Variants in ASAH2 observed in about 807,000 individuals in gnomAD.
ASAH2 encodes the protein neutral ceramidase.
A neutral mutation model predicts 82.9 loss-of-function variants in ASAH2; 58 were observed. The observed-to-expected ratio is 0.70, with a 90% CI of 0.57 to 0.87. The LOEUF (loss-of-function observed/expected upper bound fraction) is 0.87, where lower values mean the gene tolerates loss of function less well. Ranked by LOEUF, ASAH2 falls within the 40% of genes least tolerant of loss-of-function variation. ASAH2 has a pLI of 0.00. For missense variants in ASAH2, 779 were observed against 834.0 expected (o/e 0.93, Z 0.81); for synonymous variants, 276 against 289.7 (o/e 0.95, Z 0.48).
intron 4 of ASAH2, 66 bp downstream of exon 4, chr10:50,243,136 C>A: frequency 6.4e-7 from 1 of 1,563,974 alleles, no homozygotes; most frequent in South Asian, 1.2e-5. Flanking sequence ...TATTTCCTGT[C>A]ACATTCACCC....
chr10:50,248,796 C>A (rs1846540668), intron 1 of ASAH2, among the ~76,000 whole-genome samples, 150 bp from the exon 2 acceptor site: 1 of 152,216 alleles, frequency 6.6e-6, no homozygotes, highest in African/African-American at 2.4e-5. Flanking sequence ...CCATGGCAGA[C>A]AAGACCAATC....
At chr10:50,204,038 G>A (rs2133201686) in intron 14 of ASAH2, among the ~76,000 whole-genome samples, 1 of 152,028 alleles carries the variant, frequency 6.6e-6, no homozygotes, top group East Asian at 1.9e-4. Flanking sequence ...GTGTAATAAA[G>A]CCAATGTGGC....
At chr10:50,239,779 A>G (rs1289198840) in intron 4 of ASAH2, among the ~76,000 whole-genome samples, 10 of 151,012 alleles carry the variant, frequency 6.6e-5, no homozygotes, top group Non-Finnish European at 1.3e-4. Flanking sequence ...CATGAATATT[A>G]TGTTAAGTAC....
intron 8 of ASAH2, among the ~76,000 whole-genome samples, chr10:50,215,284 A>G (rs942136403): frequency 6.6e-6 from 1 of 151,238 alleles, no homozygotes; most frequent in Non-Finnish European, 1.5e-5. Context: ...TTTTCTGCAT[A>G]TGGCTAGCCA....
rs892477464 is a variant in ASAH2, at chr10:50,228,406, C to T, written c.893+4778G>A. 1.1e-4 allele frequency among the ~76,000 whole-genome samples: 16 copies of T among 152,144 alleles called. No homozygotes were observed. In the South Asian group the frequency reaches 3.3e-3, roughly 32 times the overall value. ...CAGAAAACCATAGAGAATAAACAGT[C>T]AGACATTACAATTCAAGAAAAATAA... On this transcript the variant is annotated intron_variant, in intron 7 of 20. Coordinates refer to ENST00000682911, the MANE Select transcript of ASAH2 (RefSeq NM_019893.4).
At chr10:50,222,249 A>T (rs1187608921) in intron 7 of ASAH2, among the ~76,000 whole-genome samples, 1 of 152,224 alleles carries the variant, frequency 6.6e-6, no homozygotes, top group Non-Finnish European at 1.5e-5. Context: ...GCATGTACTA[A>T]GAATTTCACT....
chr10:50,214,688 C>T (rs1280873418), intron 9 of ASAH2, 55 bp downstream of exon 9: 3 of 1,600,168 alleles, frequency 1.9e-6, no homozygotes, highest in South Asian at 2.2e-5. Flanking sequence ...AATATTCAAA[C>T]ATAAAATGTA....
Position 50,206,109 on chromosome 10 carries a change from G to A in ASAH2, c.1415-12C>T, listed in dbSNP as rs1845288258. 28 of 1,558,490 alleles carry A rather than the reference G, an allele frequency of 1.8e-5. No homozygotes were observed. Among genetic ancestry groups the A allele is most frequent in the Admixed American group, 8.4e-5 (5 of 59,806 alleles). On this transcript the variant is annotated splice_polypyrimidine_tract_variant and intron_variant, in intron 12 of 20. Coordinates refer to ENST00000682911, the MANE Select transcript of ASAH2 (RefSeq NM_019893.4). ...CCCTTCTGTTTTCCCTATTAGAAAT[G>A]TTATAATTAGTATACTTCCTTGAAC...
Position 50,203,663 on chromosome 10 carries a change from T to C in ASAH2, c.1642A>G (p.Arg548Gly), listed in dbSNP as rs1387217844. The C allele has an allele frequency of 6.2e-7, 1 of 1,612,598 alleles. No individual in the cohort carries two copies. The highest frequency in any genetic ancestry group is 8.5e-7 in the Non-Finnish European group (1 of 1,178,884). ...PGEFTTMSGRRLREAVQAEFA... is the reference protein window; with the variant it reads ...PGEFTTMSGRGLREAVQAEFA... ...ACTGCTTGAACTGCCTCTCGAAGTCTTCGTCCAGACATGGTCCTGAGTCAA... is the reference window on the plus strand; with the variant it reads ...ACTGCTTGAACTGCCTCTCGAAGTCCTCGTCCAGACATGGTCCTGAGTCAA... Residue 548 changes from arginine (R) to glycine (G), a missense_variant, in exon 15 of 21, where the codon AGA (arginine) becomes GGA (glycine). Arg to Gly is a moderately radical substitution (Grantham distance 125, BLOSUM62 -2). Transcript: ENST00000682911.
rs1434090144 is a variant in ASAH2, at chr10:50,187,128, A to T, written c.*187T>A. On this transcript the variant is annotated 3_prime_UTR_variant, in exon 21 of 21. Transcript: ENST00000682911. ...CTCTCTCTCTCTCTCTCACACACAC[A>T]CACACACACACACACACACACACAC... 18,212 of 164,208 alleles carry T rather than the reference A, an allele frequency of 0.11. 623 individuals carry two copies. The highest frequency in any genetic ancestry group is 0.14 in the Non-Finnish European group (10,477 of 76,264). The allele number at this position is 164,208 out of a possible 1,614,324, so 10.2% of individuals were successfully genotyped here. A position where few individuals can be genotyped will look rare whatever the true frequency, so the allele number is the denominator to read the frequency against.
intron 1 of ASAH2, 61 bp from the exon 2 acceptor site, chr10:50,248,707 A>G (rs369156430): frequency 7.8e-7 from 1 of 1,282,102 alleles, no homozygotes; most frequent in Non-Finnish European, 1.1e-6. Context: ...AGGTTAAGAT[A>G]TCTTAGCTCT....
intron 12 of ASAH2, among the ~76,000 whole-genome samples, chr10:50,209,817 C>A (rs1470698978): frequency 1.3e-5 from 2 of 152,038 alleles, no homozygotes; most frequent in African/African-American, 4.8e-5. Flanking sequence ...TAGGGAAATG[C>A]AAATCAAAAC....
chr10:50,240,565 A>T lies in ASAH2; in HGVS notation c.510+2637T>A, dbSNP rs1171245236. ...GAGTCCATATCACCCACAGAATTAA[A>T]AACAAGCTGGCATCTCAAGGCCCTC... On this transcript the variant is annotated intron_variant, in intron 4 of 20. Coordinates refer to ENST00000682911, the MANE Select transcript of ASAH2 (RefSeq NM_019893.4). The T allele has an allele frequency of 3.0e-5, 21 of 702,136 alleles. No individual in the cohort carries two copies. The East Asian group carries it at 5.6e-4, about 19-fold the overall frequency. 43.5% of individuals were successfully genotyped at this position (702,136 alleles called of 1,614,324 possible).
At chr10:50,232,309 A>G (rs1250385643) in intron 7 of ASAH2, among the ~76,000 whole-genome samples, 8 of 152,118 alleles carry the variant, frequency 5.3e-5, no homozygotes, top group Admixed American at 2.6e-4. Context: ...ACTTTATCCT[A>G]TGGTATGCAC....
intron 7 of ASAH2, among the ~76,000 whole-genome samples, chr10:50,221,694 G>A (rs74449184): frequency 3.2e-5 from 3 of 94,742 alleles, no homozygotes; most frequent in South Asian, 5.1e-4. Context: ...ATAGATAGAT[G>A]GATGGATAGA....
chr10:50,213,259 T>G (rs1845509981), intron 9 of ASAH2, among the ~76,000 whole-genome samples: 1 of 152,180 alleles, frequency 6.6e-6, no homozygotes, highest in African/African-American at 2.4e-5. Flanking sequence ...AAATGATCTA[T>G]TCTGGAGCCT....
At chr10:50,222,578 C>T (rs1336300332) in intron 7 of ASAH2, among the ~76,000 whole-genome samples, 2 of 152,170 alleles carry the variant, frequency 1.3e-5, no homozygotes, top group Non-Finnish European at 1.5e-5. Context: ...CCACACCTGG[C>T]TTGATTTCTT....
chr10:50,206,578 A>AC (rs1845304785), intron 12 of ASAH2, among the ~76,000 whole-genome samples: 15 of 150,680 alleles, frequency 1.0e-4, no homozygotes, highest in South Asian at 4.2e-4. Context: ...ACACACACAC[A>AC]AAGCAGTAAA....
At chr10:50,204,358 T>C (rs1845238499) in intron 14 of ASAH2, among the ~76,000 whole-genome samples, 1 of 151,706 alleles carries the variant, frequency 6.6e-6, no homozygotes, top group Admixed American at 6.6e-5. Flanking sequence ...TGACAGAAGG[T>C]GTTGGGTAGA....
Sources: gnomAD v4.1 joint callset for allele counts (sites outside exome capture counted in the v4.1 genomes callset) on GRCh38, gnomAD v4.1.1 for gene constraint, MANE v1.5 for transcripts, NCBI Gene and HGNC (gene_info 2026-07-23, HGNC 2026-07-21) for gene names.